CTRB2: variants seen among roughly 807,000 people sequenced by gnomAD.
The protein encoded by CTRB2 is chymotrypsinogen B2.
CTRB2 carries 9 observed loss-of-function variants against 19.3 expected under a neutral mutation model. That is an observed-to-expected ratio of 0.47 (90% confidence interval 0.28 to 0.81). The LOEUF is 0.81. Ranked by LOEUF, CTRB2 falls within the 40% of genes least tolerant of loss-of-function variation. The probability of loss-of-function intolerance (pLI) is 0.11; values close to 1 mark genes in which losing one functional copy is unlikely to be tolerated. For missense variants in CTRB2, 210 were observed against 269.7 expected (o/e 0.78, Z 1.55); for synonymous variants, 98 against 117.3 (o/e 0.84, Z 1.06).
chr16:75,207,068 C>A (rs1306084678), intron 1 of CTRB2, 22 bp downstream of exon 1: 1 of 1,551,066 alleles, frequency 6.4e-7, no homozygotes, highest in Non-Finnish European at 8.7e-7. Flanking sequence ...ACCCTTCGGC[C>A]TCCGCAGGGC....
rs966864202 is a variant in CTRB2 at position 75,204,402 on chromosome 16, G to A, written c.631-80C>T. 35 of 1,372,142 alleles carry A rather than the reference G, an allele frequency of 2.6e-5. No homozygotes were observed. In the South Asian group the frequency reaches 3.0e-4, roughly 12 times the overall value. The allele number at this position is 1,372,142 out of a possible 1,614,324, so 85.0% of individuals were successfully genotyped here. ...GGACCCTGACCTGGTGGAGTCTAGG[G>A]AGGGGTGCGGAGAAATGGTAAGCAT... On this transcript the variant is annotated intron_variant, in intron 6 of 6. Transcript: ENST00000303037.
chr16:75,206,995 T>C, intron 1 of CTRB2, 95 bp downstream of exon 1: 1 of 1,217,922 alleles, frequency 8.2e-7, no homozygotes. Flanking sequence ...GGTGCACAGC[T>C]GAACTGGGAG....
intron 6 of CTRB2, 177 bp downstream of exon 6, chr16:75,204,596 C>T: frequency 1.5e-6 from 2 of 1,293,146 alleles, no homozygotes; most frequent in South Asian, 2.9e-5. Context: ...TCCCCAGGGG[C>T]AGCCTCAGCT....
chr16:75,206,226 C>G, intron 1 of CTRB2, 33 bp from the exon 2 acceptor site: 2 of 1,538,930 alleles, frequency 1.3e-6, no homozygotes, highest in Non-Finnish European at 1.8e-6. Flanking sequence ...GGGTGGGTAC[C>G]ACCCACCCAG....
chr16:75,206,326 G>T, intron 1 of CTRB2, 133 bp from the exon 2 acceptor site: 1 of 959,070 alleles, frequency 1.0e-6, no homozygotes, highest in Non-Finnish European at 1.5e-6. Flanking sequence ...CTGAGAAGTT[G>T]GCCCTGGCTC....
At position 75,204,231 on chromosome 16, in the gene CTRB2, G is replaced by A. The variant is rs1394539935; in HGVS notation, c.722C>T (p.Thr241Ile). Residue 241 changes from threonine to isoleucine, a missense_variant, in exon 7 of 7, where the codon ACC becomes ATC. Around this residue, in one of 4 missense-constraint regions of CTRB2, gnomAD observed 120 missense variants for 90.8 expected, o/e 1.32. Transcript: ENST00000303037. ...GACACGGGCGTACACAGCGGGCGTGGTGGTAGAGCAGGTGCGGCTGCCCCA... is the reference window on the plus strand; with the variant it reads ...GACACGGGCGTACACAGCGGGCGTGATGGTAGAGCAGGTGCGGCTGCCCCA... ...VSWGSRTCST[T>I]TPAVYARVAK... 1.2e-6 allele frequency: 2 copies of A among 1,614,148 alleles called. No homozygotes were observed. Among genetic ancestry groups the A allele is most frequent in the Non-Finnish European group, 1.7e-6 (2 of 1,180,008 alleles).
chr16:75,204,995 T>A (rs2038877320), intron 5 of CTRB2, 89 bp from the exon 6 acceptor site: 1 of 426,706 alleles, frequency 2.3e-6, no homozygotes, highest in Admixed American at 5.2e-5. Flanking sequence ...TGCCCTACCC[T>A]GCACCATCAC....
intron 1 of CTRB2, 134 bp from the exon 2 acceptor site, chr16:75,206,327 G>A: frequency 2.1e-6 from 2 of 937,916 alleles, no homozygotes; most frequent in South Asian, 3.5e-5. Flanking sequence ...TGAGAAGTTG[G>A]CCCTGGCTCT....
intron 1 of CTRB2, 76 bp downstream of exon 1, chr16:75,207,014 C>G: frequency 1.4e-6 from 2 of 1,385,860 alleles, no homozygotes; most frequent in Non-Finnish European, 2.0e-6. Flanking sequence ...AGCTGGGACC[C>G]TGCTGCCTCT....
chr16:75,204,171 G>T lies in CTRB2; in HGVS notation c.782C>A (p.Ala261Asp), dbSNP rs1247409944. 6.2e-7 allele frequency: 1 copy of T among 1,614,148 alleles called. No homozygotes were observed. Among genetic ancestry groups the T allele is most frequent in the South Asian group, 1.1e-5 (1 of 91,084 alleles). ...GCAGGAGCTGCGGGCTCAGTTGGCG[G>T]CCAGGATCTTCTGCACCCAGGGTAT... ...KLIPWVQKILAAN is the reference protein window; with the variant it reads ...KLIPWVQKILDAN The change falls in exon 7 of 7, where the codon GCC becomes GAC. Residue 261 changes from alanine (A) to aspartate (D), a missense_variant. This residue lies in a region of CTRB2 where 120 missense variants were observed against 90.8 expected (regional missense o/e 1.32). Coordinates refer to ENST00000303037, the MANE Select transcript of CTRB2 (RefSeq NM_001025200.4).
At chr16:75,204,380 C>A in intron 6 of CTRB2, 58 bp from the exon 7 acceptor site, 5 of 1,547,662 alleles carry the variant, frequency 3.2e-6, no homozygotes, top group Admixed American at 1.8e-5. Context: ...GCCTAGGGGA[C>A]CCTGACCTGG....
intron 1 of CTRB2, 130 bp downstream of exon 1, chr16:75,206,960 G>A (rs928050163): frequency 3.4e-5 from 30 of 870,294 alleles, no homozygotes; most frequent in Admixed American, 2.0e-4. Context: ...AGATGGAGCC[G>A]GTGACTCGCC....
At chr16:75,204,746 C>CCAGGGCCTGGG in intron 6 of CTRB2, 27 bp downstream of exon 6, 1 of 1,338,748 alleles carries the variant, frequency 7.5e-7, no homozygotes, top group Non-Finnish European at 1.0e-6. Flanking sequence ...GCTCGCCTGG[C>CCAGGGCCTGGG]CAGGGCCTGG....
At position 75,207,131 on chromosome 16, in the gene CTRB2, A is replaced by G; in HGVS notation, c.11T>C (p.Leu4Pro). The G allele has an allele frequency of 6.4e-7, 1 of 1,558,792 alleles. No individual in the cohort carries two copies. The highest frequency in any genetic ancestry group is 2.4e-5 in the East Asian group (1 of 42,384). The change falls in exon 1 of 7, where the codon CTC (leucine) becomes CCC (proline). Residue 4 changes from leucine (L) to proline (P), a missense_variant. Around this residue, in one of 4 missense-constraint regions of CTRB2, gnomAD observed 57 missense variants for 72.6 expected, o/e 0.79. Transcript: ENST00000303037. Reference protein sequence around the residue: MAFLWLLSCWALLG... With the variant: MAFPWLLSCWALLG... ...GAGGGCCCAGCAGGAGAGGAGCCAG[A>G]GGAAAGCCATGGTGCCGCTGGCAGG...
intron 6 of CTRB2, 54 bp from the exon 7 acceptor site, chr16:75,204,376 G>A: frequency 3.2e-6 from 5 of 1,561,344 alleles, no homozygotes; most frequent in Non-Finnish European, 4.4e-6. Flanking sequence ...CAGGGCCTAG[G>A]GGACCCTGAC....
chr16:75,206,492 C>G (rs188177568), intron 1 of CTRB2: 13 of 486,426 alleles, frequency 2.7e-5, no homozygotes, highest in African/African-American at 3.9e-5. Flanking sequence ...GTCTGGGAGG[C>G]CAGACTCTGT....
intron 6 of CTRB2, among the ~76,000 whole-genome samples, 191 bp from the exon 7 acceptor site, chr16:75,204,513 C>A (rs1263155111): frequency 6.6e-6 from 1 of 152,130 alleles, no homozygotes; most frequent in African/African-American, 2.4e-5. Context: ...GGAGCTGGGG[C>A]AGGTGGCTTC....
At chr16:75,206,834 T>C in intron 1 of CTRB2, 1 of 504,922 alleles carries the variant, frequency 2.0e-6, no homozygotes, top group East Asian at 3.6e-5. Context: ...CCTCCTCCCC[T>C]GAGAGCCTCA....
chr16:75,204,783 G>C lies in CTRB2; in HGVS notation c.620C>G (p.Ser207Cys). 1 of 1,400,508 alleles carries C rather than the reference G, an allele frequency of 7.1e-7. No homozygotes were observed. Among genetic ancestry groups the C allele is most frequent in the Non-Finnish European group, 9.6e-7 (1 of 1,045,910 alleles). 86.8% of individuals were successfully genotyped at this position (1,400,508 alleles called of 1,614,324 possible). The change falls in exon 6 of 7, where the codon TCC becomes TGC. Residue 207 changes from serine (S) to cysteine (C), a missense_variant. This residue lies in a region of CTRB2 where 120 missense variants were observed against 90.8 expected (regional missense o/e 1.32). Coordinates refer to ENST00000303037, the MANE Select transcript of CTRB2 (RefSeq NM_001025200.4). Reference sequence around the variant, plus strand: ...CAGGGCCAGCCTCACCATGCAGGAGGAGACGCCACTGGCCCCGGCACAGAT... The same window carrying C: ...CAGGGCCAGCCTCACCATGCAGGAGCAGACGCCACTGGCCCCGGCACAGAT... ...VMICAGASGVSSCMGDSGGPL... is the reference protein window; with the variant it reads ...VMICAGASGVCSCMGDSGGPL...
Sources: gnomAD v4.1 joint callset for allele counts (sites outside exome capture counted in the v4.1 genomes callset) on GRCh38, gnomAD v4.1.1 for gene constraint, gnomAD v4.1.1 regional missense constraint, MANE v1.5 for transcripts, NCBI Gene and HGNC (gene_info 2026-07-23, HGNC 2026-07-21) for gene names.